The following MAP2 variants were observed in gnomAD, a reference collection of about 807,000 sequenced individuals.
The protein encoded by MAP2 is microtubule-associated protein 2.
Under a neutral mutation model 137.6 loss-of-function variants are expected in MAP2, and 14 were observed. The observed-to-expected ratio is 0.10, with a 90% CI of 0.07 to 0.16. MAP2 has a LOEUF of 0.16. Ranked by LOEUF, MAP2 falls within the 10% of genes least tolerant of loss-of-function variation. The pLI, the probability that MAP2 is intolerant of heterozygous loss-of-function variation, is 1.00. For missense variants in MAP2, 2,088 were observed against 2,191.5 expected (o/e 0.95, Z 0.94); for synonymous variants, 786 against 782.3 (o/e 1.00, Z -0.08).
At chr2:209,560,283 G>A (rs2071701850) in intron 2 of MAP2, among the ~76,000 whole-genome samples, 1 of 152,172 alleles carries the variant, frequency 6.6e-6, no homozygotes, top group Non-Finnish European at 1.5e-5. Flanking sequence ...ACATTTATGT[G>A]AAGAATGATA....
In MAP2 at chr2:209,732,417, A is replaced by G. The variant is rs2075892280; in HGVS notation, c.*2020A>G. The stretch of plus-strand genomic sequence containing the variant: ...AAACCATCTATAAATCAGTTATTTT[A>G]TATGACAGTCAAAACCTTAGAAACC... On this transcript the variant is annotated 3_prime_UTR_variant, in exon 16 of 16. Coordinates refer to ENST00000682079, the MANE Select transcript of MAP2 (RefSeq NM_001375505.1). 1 of 152,232 alleles carries G rather than the reference A, an allele frequency of 6.6e-6. No homozygotes were observed. Among genetic ancestry groups the G allele is most frequent in the Admixed American group, 6.5e-5 (1 of 15,282 alleles). The allele number at this position is 152,232 out of a possible 1,614,324, so 9.4% of individuals were successfully genotyped here.
At chr2:209,500,247 T>C (rs932064336) in intron 1 of MAP2, among the ~76,000 whole-genome samples, 2 of 152,360 alleles carry the variant, frequency 1.3e-5, no homozygotes, top group East Asian at 3.9e-4. Flanking sequence ...ATATGTTTAA[T>C]TGAATAGCCT....
chr2:209,497,369 A>C (rs2059876104), intron 1 of MAP2, among the ~76,000 whole-genome samples: 1 of 152,164 alleles, frequency 6.6e-6, no homozygotes. Context: ...ACAAGCCAGG[A>C]ATATAGCCCT....
intron 1 of MAP2, among the ~76,000 whole-genome samples, chr2:209,455,284 A>G (rs1701276676): frequency 1.3e-5 from 2 of 152,246 alleles, no homozygotes; most frequent in Non-Finnish European, 2.9e-5. Context: ...GAGATGATAG[A>G]TAATCTGTCC....
Position 209,557,390 on chromosome 2 carries a change from T to C in MAP2, c.-171-22646T>C, listed in dbSNP as rs114115277. Among the ~76,000 whole-genome samples, 272 of 152,302 alleles carry C rather than the reference T, an allele frequency of 1.8e-3. 1 individual carries two copies. Among genetic ancestry groups the C allele is most frequent in the African/African-American group, 6.2e-3 (256 of 41,542 alleles). ...CCTGTCCAATTCTTCAAGAATGGTA[T>C]GGAGGTAGACAGCAGGAAAAAAATG... On this transcript the variant is annotated intron_variant, in intron 2 of 15. Transcript: ENST00000682079.
At position 209,543,213 on chromosome 2, in the gene MAP2, C is replaced by A. The variant is rs1300107579; in HGVS notation, c.-172+35572C>A. Among the ~76,000 whole-genome samples the A allele has an allele frequency of 3.3e-5, 5 of 152,266 alleles. No individual in the cohort carries two copies. In the East Asian group the frequency reaches 9.7e-4, roughly 29 times the overall value. ...AGAGAGAAATAGGGGAAAGGCCAGT[C>A]AGTGGAGCAGTCAGAACATGCGACA... On this transcript the variant is annotated intron_variant, in intron 2 of 15. Coordinates refer to ENST00000682079, the MANE Select transcript of MAP2 (RefSeq NM_001375505.1).
chr2:209,483,660 T>A (rs2058004363), intron 1 of MAP2, among the ~76,000 whole-genome samples: 1 of 152,258 alleles, frequency 6.6e-6, no homozygotes, highest in South Asian at 2.1e-4. Context: ...ATTATGGGTC[T>A]TGTTTATCTA....
intron 6 of MAP2, among the ~76,000 whole-genome samples, chr2:209,680,008 A>G (rs1402584689): frequency 1.3e-5 from 2 of 152,154 alleles, no homozygotes; most frequent in Non-Finnish European, 2.9e-5. Flanking sequence ...TCTTACTGTC[A>G]TATGAGGGGG....
chr2:209,570,021 T>A (rs113871922), intron 2 of MAP2, among the ~76,000 whole-genome samples: 1,719 of 151,898 alleles, frequency 0.011, 30 homozygotes, highest in African/African-American at 0.04. Context: ...AAAATTAAGA[T>A]GTTTTCCTCA....
At chr2:209,473,875 A>G (rs1706451658) in intron 1 of MAP2, among the ~76,000 whole-genome samples, 1 of 152,188 alleles carries the variant, frequency 6.6e-6, no homozygotes, top group Non-Finnish European at 1.5e-5. Context: ...TTTACAGCAT[A>G]TATTTTAAAA....
At chr2:209,471,409 G>A (rs1263047569) in intron 1 of MAP2, among the ~76,000 whole-genome samples, 2 of 152,156 alleles carry the variant, frequency 1.3e-5, no homozygotes, top group Non-Finnish European at 2.9e-5. Context: ...GATATCCCCA[G>A]TACCTAGCAT....
chr2:209,711,173 T>C (rs1031241050), intron 13 of MAP2, among the ~76,000 whole-genome samples: 2 of 152,198 alleles, frequency 1.3e-5, no homozygotes, highest in African/African-American at 2.4e-5. Context: ...CTTTCAGTAT[T>C]CCAAGAAAGT....
In MAP2 at chr2:209,493,876, G is replaced by A. The variant is rs567989768; in HGVS notation, c.-221-13716G>A. Among the ~76,000 whole-genome samples the A allele has an allele frequency of 7.2e-5, 11 of 152,286 alleles. No individual in the cohort carries two copies. The East Asian group carries it at 1.7e-3, about 24-fold the overall frequency. The stretch of plus-strand genomic sequence containing the variant: ...CAACCATTGTGAAAGACAGTATGGC[G>A]ATTCCTCAATGATCTAGAACCAGGA... On this transcript the variant is annotated intron_variant, in intron 1 of 15. Coordinates refer to ENST00000682079, the MANE Select transcript of MAP2 (RefSeq NM_001375505.1).
intron 1 of MAP2, among the ~76,000 whole-genome samples, chr2:209,473,854 T>A (rs1706441493): frequency 6.6e-6 from 1 of 152,222 alleles, no homozygotes; most frequent in African/African-American, 2.4e-5. Context: ...TACATATTTG[T>A]ATCCTTGTAT....
chr2:209,482,473 A>G lies in MAP2; in HGVS notation c.-221-25119A>G, dbSNP rs529105206. On this transcript the variant is annotated intron_variant, in intron 1 of 15. Coordinates refer to ENST00000682079, the MANE Select transcript of MAP2 (RefSeq NM_001375505.1). ...GTCAGAGTCAGCCTCTCTAAAAGCT[A>G]TGTCAGTTCTTTCCCCTTTGACACG... is the stretch of plus-strand genomic sequence containing the variant. 3.3e-5 allele frequency among the ~76,000 whole-genome samples: 5 copies of G among 152,332 alleles called. No individual in the cohort carries two copies. In the South Asian group the frequency reaches 1.0e-3, roughly 32 times the overall value.
chr2:209,434,733 G>A (rs1695232320), intron 1 of MAP2, among the ~76,000 whole-genome samples: 2 of 150,142 alleles, frequency 1.3e-5, no homozygotes, highest in African/African-American at 4.9e-5. Context: ...GAAGTGAAAG[G>A]ATTGCTTGAA....
chr2:209,501,795 A>G (rs1189331895), intron 1 of MAP2, among the ~76,000 whole-genome samples: 1 of 144,626 alleles, frequency 6.9e-6, no homozygotes, highest in Non-Finnish European at 1.5e-5. Context: ...GAAAAAAAGG[A>G]AAAAAAAAAG....
At chr2:209,688,142 A>G (rs2057682494) in intron 7 of MAP2, among the ~76,000 whole-genome samples, 1 of 152,172 alleles carries the variant, frequency 6.6e-6, no homozygotes. Context: ...ATATAAAAGA[A>G]GCCTTACTAG....
intron 1 of MAP2, among the ~76,000 whole-genome samples, chr2:209,502,664 A>G (rs947828541): frequency 2.0e-5 from 3 of 152,080 alleles, no homozygotes; most frequent in Non-Finnish European, 2.9e-5. Flanking sequence ...GTACCTCCTT[A>G]CTGTTTTCCA....
Sources: allele counts gnomAD v4.1 joint callset (sites outside exome capture counted in the v4.1 genomes callset), GRCh38; gene constraint gnomAD v4.1.1; transcripts MANE v1.5; gene names NCBI Gene and HGNC (gene_info 2026-07-23, HGNC 2026-07-21).